GFI1B: variants seen among roughly 807,000 people sequenced by gnomAD.
The protein encoded by GFI1B is zinc finger protein Gfi-1b.
A neutral mutation model predicts 35.3 loss-of-function variants in GFI1B; 20 were observed. The ratio of observed to expected loss-of-function variants is 0.57; its 90% CI spans 0.40 to 0.82. The LOEUF is 0.82. Ranked by LOEUF, GFI1B falls within the 40% of genes least tolerant of loss-of-function variation. GFI1B has a pLI of 0.00. For synonymous variants in GFI1B, 178 were observed against 177.6 expected (o/e 1.00, Z -0.02); for missense variants, 430 against 446.3 (o/e 0.96, Z 0.33).
At chr9:132,981,531 G>C (rs573420344) in intron 1 of GFI1B, among the ~76,000 whole-genome samples, 1 of 152,060 alleles carries the variant, frequency 6.6e-6, no homozygotes, top group African/African-American at 2.4e-5. Flanking sequence ...CCAGCTACTC[G>C]AGAAGCTAAG....
chr9:132,990,524 T>C lies in GFI1B; in HGVS notation c.815-348T>C, dbSNP rs1259150301. On this transcript the variant is annotated intron_variant, in intron 6 of 6. Coordinates refer to ENST00000372122, the MANE Select transcript of GFI1B (RefSeq NM_001377304.1). The stretch of plus-strand genomic sequence containing the variant: ...TCATTTGTTCACTCATTCATTTGCT[T>C]ATTCATTCCTTCACTCATTCATTCA... 2.8e-4 allele frequency among the ~76,000 whole-genome samples: 43 copies of C among 152,234 alleles called. 1 individual carries two copies. Among genetic ancestry groups the C allele is most frequent in the Admixed American group, 2.8e-3 (43 of 15,290 alleles).
Position 132,950,385 on chromosome 9 carries a change from C to T in GFI1B, c.-701+4716C>T, listed in dbSNP as rs151148327. ...ATGCATACCTCCATTCCTTCCACCA[C>T]ACCGCCTGCTTACTCAGGTTGTGCT... On this transcript the variant is annotated intron_variant, in intron 1 of 10. Coordinates refer to the GFI1B transcript ENST00000339463. Among the ~76,000 whole-genome samples the T allele has an allele frequency of 4.3e-3, 651 of 152,004 alleles. 5 individuals carry two copies. The highest frequency in any genetic ancestry group is 0.027 in the South Asian group (132 of 4,806).
At chr9:132,977,437 C>T (rs1415725576), upstream of GFI1B, among the ~76,000 whole-genome samples, 5 of 152,122 alleles carry the variant, frequency 3.3e-5, no homozygotes, top group Non-Finnish European at 5.9e-5. Flanking sequence ...AGAAAGACCT[C>T]GCCTGAAACA....
At chr9:132,977,916 C>A (rs971455689), upstream of GFI1B, among the ~76,000 whole-genome samples, 3 of 152,214 alleles carry the variant, frequency 2.0e-5, no homozygotes, top group Non-Finnish European at 4.4e-5. Context: ...TCCGAACTCA[C>A]TGCCACACCT....
At chr9:132,966,749 T>G (rs77303968) in intron 1 of GFI1B, among the ~76,000 whole-genome samples, 70 of 152,284 alleles carry the variant, frequency 4.6e-4, no homozygotes, top group African/African-American at 1.5e-3. Flanking sequence ...TTAACCAAAC[T>G]CAGCATCACT....
chr9:132,985,859 T>C (rs1459911941), intron 1 of GFI1B, among the ~76,000 whole-genome samples: 2 of 152,208 alleles, frequency 1.3e-5, no homozygotes, highest in African/African-American at 2.4e-5. Context: ...CACCCGTTTC[T>C]ATGGCCTCTG....
chr9:132,991,247 G>A lies in GFI1B; in HGVS notation c.*197G>A. ...TGTCTGGATCAACATTTCTCCTGCT[G>A]CCAAGTGTGGGAGCCTGGCTGGGTC... On this transcript the variant is annotated 3_prime_UTR_variant, in exon 7 of 7. Coordinates refer to ENST00000372122, the MANE Select transcript of GFI1B (RefSeq NM_001377304.1). 1 of 612,932 alleles carries A rather than the reference G, an allele frequency of 1.6e-6. No individual in the cohort carries two copies. The highest frequency in any genetic ancestry group is 1.9e-5 in the South Asian group (1 of 51,776). The allele number at this position is 612,932 out of a possible 1,614,324, so 38.0% of individuals were successfully genotyped here.
intron 1 of GFI1B, 71 bp from the exon 2 acceptor site, chr9:132,986,588 G>T (rs1474671122): frequency 2.6e-6 from 2 of 779,410 alleles, no homozygotes; most frequent in Non-Finnish European, 4.5e-6. Context: ...TATCTCAGGA[G>T]GAGGTTCTGA....
intron 1 of GFI1B, among the ~76,000 whole-genome samples, chr9:132,984,592 T>A (rs997752556): frequency 6.6e-6 from 1 of 152,202 alleles, no homozygotes; most frequent in African/African-American, 2.4e-5. Context: ...GTGGGCTGGG[T>A]GCTGGGATGC....
In GFI1B at chr9:132,989,838, C is replaced by T; in HGVS notation, c.745C>T (p.Pro249Ser). 6 of 1,614,214 alleles carry T rather than the reference C, an allele frequency of 3.7e-6. No individual in the cohort carries two copies. The highest frequency in any genetic ancestry group is 5.1e-6 in the Non-Finnish European group (6 of 1,180,006). Reference protein sequence around the residue: ...LLIHSDTRPYPCQFCGKRFHQ... With the variant: ...LLIHSDTRPYSCQFCGKRFHQ... ...CATCCACTCAGACACGCGGCCCTAC[C>T]CCTGCCAGTTCTGCGGCAAGCGTTT... The change falls in exon 6 of 7, where the codon CCC (proline) becomes TCC (serine). Residue 249 changes from proline to serine, a missense_variant. Transcript: ENST00000372122. This position sits in a 1 kb window ranked among gnomAD's most constrained non-coding sequence, Gnocchi z 6.2.
intron 1 of GFI1B, among the ~76,000 whole-genome samples, chr9:132,963,295 C>A (rs1216261526): frequency 3.3e-5 from 5 of 151,920 alleles, no homozygotes; most frequent in African/African-American, 9.7e-5. Context: ...GCCTGGCCAA[C>A]GTGGTGAAAC....
At chr9:132,992,767 T>C (rs917033804), downstream of GFI1B, among the ~76,000 whole-genome samples, 7 of 152,160 alleles carry the variant, frequency 4.6e-5, no homozygotes, top group African/African-American at 1.4e-4. Context: ...TGCAGTTATG[T>C]GTGGATAACT....
At position 132,991,310 on chromosome 9, in the gene GFI1B, C is replaced by T. The variant is rs1849286380; in HGVS notation, c.*260C>T. 5.6e-6 allele frequency: 3 copies of T among 537,300 alleles called. No homozygotes were observed. Among genetic ancestry groups the T allele is most frequent in the Admixed American group, 3.1e-5 (1 of 32,170 alleles). 33.3% of individuals were successfully genotyped at this position (537,300 alleles called of 1,614,324 possible). A position where few individuals can be genotyped will look rare whatever the true frequency, so the allele number is the denominator to read the frequency against. On this transcript the variant is annotated 3_prime_UTR_variant, in exon 7 of 7. Transcript: ENST00000372122. ...AGTTGTTTCCAGGTGTGCTCAAGTG[C>T]CTTCCTCTAGCAGAGCACAGAAAGC...
At chr9:132,948,694 C>T (rs1848157019) in intron 1 of GFI1B, among the ~76,000 whole-genome samples, 1 of 152,246 alleles carries the variant, frequency 6.6e-6, no homozygotes, top group South Asian at 2.1e-4. Flanking sequence ...TCTGCAGCCC[C>T]GGCCTCTCTA....
At chr9:132,948,685 C>G (rs536174154) in intron 1 of GFI1B, among the ~76,000 whole-genome samples, 3 of 152,382 alleles carry the variant, frequency 2.0e-5, no homozygotes, top group African/African-American at 7.2e-5. Flanking sequence ...CCAAGGCCCT[C>G]TGCAGCCCCG....
Position 132,987,434 on chromosome 9 carries a change from C to T in GFI1B, c.238+15C>T, listed in dbSNP as rs202010241. 74 of 1,614,136 alleles carry T rather than the reference C, an allele frequency of 4.6e-5. No individual in the cohort carries two copies. The African/African-American group carries it at 7.6e-4, about 17-fold the overall frequency. On this transcript the variant is annotated intron_variant, in intron 3 of 6. Transcript: ENST00000372122. ...CCCGGCACCAGGTACCCCGCTGTGA[C>T]CCACTGTCATTCCCCAGGGAGTGCC...
At chr9:132,985,908 A>G (rs1185592039) in intron 1 of GFI1B, among the ~76,000 whole-genome samples, 4 of 152,126 alleles carry the variant, frequency 2.6e-5, no homozygotes, top group Non-Finnish European at 5.9e-5. Flanking sequence ...AGCTTTCTAG[A>G]ATTGGGGTCC....
intron 1 of GFI1B, among the ~76,000 whole-genome samples, chr9:132,957,881 T>G (rs1366229556): frequency 2.6e-5 from 4 of 152,200 alleles, no homozygotes; most frequent in African/African-American, 9.6e-5. Flanking sequence ...ACAGGCAACA[T>G]GCATTGAGTA....
At chr9:132,975,677 A>T (rs1848616181), upstream of GFI1B, among the ~76,000 whole-genome samples, 1 of 152,216 alleles carries the variant, frequency 6.6e-6, no homozygotes, top group Non-Finnish European at 1.5e-5. Context: ...CTCGATACAC[A>T]TGTGTTACAT....
Sources: allele counts gnomAD v4.1 joint callset (sites outside exome capture counted in the v4.1 genomes callset), GRCh38; gene constraint gnomAD v4.1.1; non-coding constraint Gnocchi (gnomAD v3.1); transcripts MANE v1.5; gene names NCBI Gene and HGNC (gene_info 2026-07-23, HGNC 2026-07-21).